Variants in NALF1 observed in about 807,000 individuals in gnomAD.
The protein encoded by NALF1 is NALCN channel auxiliary factor 1, also known as family with sequence similarity 155 member A.
NALF1 carries 3 observed loss-of-function variants against 48.4 expected under a neutral mutation model. The ratio of observed to expected loss-of-function variants is 0.06; its 90% confidence interval spans 0.03 to 0.16. The LOEUF is 0.16. Ranked by LOEUF, NALF1 falls within the 10% of genes least tolerant of loss-of-function variation. The pLI is 1.00. For missense variants in NALF1, 526 were observed against 571.5 expected (o/e 0.92, Z 0.81); for synonymous variants, 262 against 245.7 (o/e 1.07, Z -0.62).
intron 1 of NALF1, among the ~76,000 whole-genome samples, chr13:107,710,788 C>T (rs200340274): frequency 6.5e-5 from 6 of 91,808 alleles, no homozygotes; most frequent in East Asian, 7.2e-4. Flanking sequence ...TGTGTATATA[C>T]ACATATATGT....
chr13:107,758,216 T>C (rs1018027077), intron 1 of NALF1, among the ~76,000 whole-genome samples: 1 of 152,328 alleles, frequency 6.6e-6, no homozygotes, highest in East Asian at 1.9e-4. Flanking sequence ...TGCTTATCTC[T>C]ATTATTCCTC....
At chr13:107,315,626 T>C (rs1271632912) in intron 1 of NALF1, among the ~76,000 whole-genome samples, 1 of 152,070 alleles carries the variant, frequency 6.6e-6, no homozygotes, top group Non-Finnish European at 1.5e-5. Context: ...AAGTGTTTTC[T>C]GTATGAGACA....
At chr13:107,556,093 T>C (rs1877465415) in intron 1 of NALF1, among the ~76,000 whole-genome samples, 1 of 152,056 alleles carries the variant, frequency 6.6e-6, no homozygotes. Context: ...AAAGTAATTC[T>C]GGTTTTATAT....
At chr13:107,680,722 A>T (rs1252879541) in intron 1 of NALF1, among the ~76,000 whole-genome samples, 1 of 134,588 alleles carries the variant, frequency 7.4e-6, no homozygotes, top group African/African-American at 2.7e-5. Context: ...GGGTGGTGTG[A>T]GAGTGTATGA....
intron 1 of NALF1, among the ~76,000 whole-genome samples, chr13:107,814,878 T>G (rs1879116437): frequency 6.6e-6 from 1 of 151,664 alleles, no homozygotes; most frequent in African/African-American, 2.4e-5. Flanking sequence ...AGAATGAAAA[T>G]TCTTCTCAAG....
At chr13:107,310,268 G>A (rs1368752915) in intron 1 of NALF1, among the ~76,000 whole-genome samples, 2 of 151,948 alleles carry the variant, frequency 1.3e-5, no homozygotes, top group African/African-American at 2.4e-5. Context: ...AAATTAGCCG[G>A]GCGTGGTGGC....
At chr13:107,280,328 C>T (rs912634529) in intron 1 of NALF1, among the ~76,000 whole-genome samples, 4 of 152,238 alleles carry the variant, frequency 2.6e-5, no homozygotes, top group African/African-American at 4.8e-5. Flanking sequence ...TTTAAAAACT[C>T]GAATTATGCT....
chr13:107,788,903 C>G (rs909628173), intron 1 of NALF1: 1 of 151,986 alleles, frequency 6.6e-6, no homozygotes, highest in Non-Finnish European at 1.5e-5. Context: ...TATTGAAATT[C>G]TGGCCTGGAG....
At chr13:107,526,633 A>G (rs1015232590) in intron 1 of NALF1, among the ~76,000 whole-genome samples, 1 of 152,190 alleles carries the variant, frequency 6.6e-6, no homozygotes, top group Admixed American at 6.6e-5. Flanking sequence ...ACAGAGTGTT[A>G]GGAATTGCTG....
chr13:107,381,762 T>C (rs1453001458), intron 1 of NALF1, among the ~76,000 whole-genome samples: 1 of 152,170 alleles, frequency 6.6e-6, no homozygotes, highest in Non-Finnish European at 1.5e-5. Context: ...CTTAGCACTT[T>C]TTAGTAGCTG....
intron 1 of NALF1, among the ~76,000 whole-genome samples, chr13:107,308,935 A>G (rs1471559197): frequency 6.6e-6 from 1 of 152,188 alleles, no homozygotes; most frequent in African/African-American, 2.4e-5. Flanking sequence ...CATTATTTTA[A>G]TTCCTGAAAA....
At chr13:107,268,950 T>A (rs1271952173) in intron 1 of NALF1, among the ~76,000 whole-genome samples, 1 of 152,062 alleles carries the variant, frequency 6.6e-6, no homozygotes, top group African/African-American at 2.4e-5. Flanking sequence ...AGTAATGTGA[T>A]TAGATGAGTG....
intron 1 of NALF1, among the ~76,000 whole-genome samples, chr13:107,721,734 C>T (rs1451767101): frequency 1.3e-5 from 2 of 152,134 alleles, no homozygotes; most frequent in African/African-American, 4.8e-5. Context: ...TGCATTTCTG[C>T]TTCTCATTAT....
At chr13:107,544,504 A>C (rs1277762033) in intron 1 of NALF1, among the ~76,000 whole-genome samples, 5 of 152,196 alleles carry the variant, frequency 3.3e-5, no homozygotes, top group Non-Finnish European at 7.3e-5. Context: ...AAGCATGAGC[A>C]ATTTCTGAAG....
chr13:107,473,727 C>T (rs1175912263), intron 1 of NALF1, among the ~76,000 whole-genome samples: 1 of 152,178 alleles, frequency 6.6e-6, no homozygotes, highest in Non-Finnish European at 1.5e-5. Context: ...AGCAGACGCC[C>T]TTCCACCCTG....
intron 1 of NALF1, among the ~76,000 whole-genome samples, chr13:107,299,623 A>G (rs1331321452): frequency 6.6e-6 from 1 of 151,652 alleles, no homozygotes; most frequent in Non-Finnish European, 1.5e-5. Flanking sequence ...GCAATTTTAT[A>G]TTTCACCTAT....
intron 1 of NALF1, among the ~76,000 whole-genome samples, chr13:107,285,581 A>G (rs1013368779): frequency 9.9e-5 from 15 of 152,210 alleles, no homozygotes; most frequent in Non-Finnish European, 2.2e-4. Flanking sequence ...CAAACCATAT[A>G]TGTGTATGTA....
At chr13:107,219,608 A>G (rs1879949130) in intron 1 of NALF1, among the ~76,000 whole-genome samples, 1 of 152,240 alleles carries the variant, frequency 6.6e-6, no homozygotes, top group Non-Finnish European at 1.5e-5. Context: ...ATAAGATTTC[A>G]TGGAGCACTT....
chr13:107,425,159 A>G (rs1884258283), intron 1 of NALF1, among the ~76,000 whole-genome samples: 1 of 152,216 alleles, frequency 6.6e-6, no homozygotes, highest in South Asian at 2.1e-4. Context: ...ATTTTGAGAA[A>G]AGAATCCTCC....
Sources: allele counts gnomAD v4.1 joint callset (sites outside exome capture counted in the v4.1 genomes callset), GRCh38; gene constraint gnomAD v4.1.1; transcripts MANE v1.5; gene names NCBI Gene and HGNC (gene_info 2026-07-23, HGNC 2026-07-21).